DDX24: variants seen among roughly 807,000 people sequenced by gnomAD.
DDX24 encodes the protein DEAD-box helicase 24, also known as ATP-dependent RNA helicase DDX24.
Under a neutral mutation model 68.9 loss-of-function variants are expected in DDX24, and 24 were observed. That is an observed-to-expected ratio of 0.35 (90% CI 0.25 to 0.49). DDX24 has a LOEUF of 0.49. Among genes scored for constraint, DDX24 ranks in the 20% least tolerant of loss-of-function variants. DDX24 has a pLI of 0.99. For missense variants in DDX24, 989 were observed against 1,039.0 expected (o/e 0.95, Z 0.66); for synonymous variants, 395 against 385.2 (o/e 1.03, Z -0.30).
chr14:94,062,579 G>A lies in DDX24; in HGVS notation c.761C>T (p.Ala254Val), dbSNP rs759757010. Residue 254 changes from alanine to valine, a missense_variant, in exon 3 of 9, where the codon GCG (alanine) becomes GTG (valine). Transcript: ENST00000621632. ...TLAFAIPMIH[A>V]VLQWQKRNAA... Reference sequence around the variant, plus strand: ...ATTCCTCTTCTGCCACTGCAACACCGCATGAATCATTGGGATGGCAAAGGC... The same window carrying A: ...ATTCCTCTTCTGCCACTGCAACACCACATGAATCATTGGGATGGCAAAGGC... 19 of 1,608,020 alleles carry A rather than the reference G, an allele frequency of 1.2e-5. No homozygotes were observed. The Middle Eastern group carries it at 5.0e-4, about 42-fold the overall frequency.
At chr14:94,069,981 C>G (rs530201566) in intron 2 of DDX24, among the ~76,000 whole-genome samples, 1 of 152,246 alleles carries the variant, frequency 6.6e-6, no homozygotes, top group Non-Finnish European at 1.5e-5. Context: ...CTTACCACTC[C>G]TCTTCAACAT....
intron 2 of DDX24, among the ~76,000 whole-genome samples, chr14:94,062,877 G>T (rs1885627057): frequency 6.6e-6 from 1 of 152,186 alleles, no homozygotes; most frequent in Non-Finnish European, 1.5e-5. Flanking sequence ...TCCAAGAAAT[G>T]AAACAATAAA....
At chr14:94,065,384 G>GACACACAC (rs58390384) in intron 2 of DDX24, among the ~76,000 whole-genome samples, 29 of 147,256 alleles carry the variant, frequency 2.0e-4, no homozygotes, top group Admixed American at 3.4e-4. Flanking sequence ...CTCTCTCTCT[G>GACACACAC]ACACACACAC....
chr14:94,059,925 C>T (rs1885559376), intron 5 of DDX24, among the ~76,000 whole-genome samples, 173 bp downstream of exon 5: 1 of 150,604 alleles, frequency 6.6e-6, no homozygotes, highest in Non-Finnish European at 1.5e-5. Flanking sequence ...ACCAAATTCA[C>T]TAAATGACAG....
intron 2 of DDX24, among the ~76,000 whole-genome samples, chr14:94,074,826 C>T (rs948658430): frequency 5.9e-5 from 9 of 152,130 alleles, no homozygotes; most frequent in Non-Finnish European, 1.3e-4. Flanking sequence ...AGTTGCAGGA[C>T]ACAAGATCAA....
chr14:94,068,966 G>A lies in DDX24; in HGVS notation c.719-6345C>T, dbSNP rs552989176. Reference sequence around the variant, plus strand: ...ACATCTCAAGGAGCTAGAGAAACAAGAACAAACCAAACCCAAACCCAGCAG... The same window carrying A: ...ACATCTCAAGGAGCTAGAGAAACAAAAACAAACCAAACCCAAACCCAGCAG... On this transcript the variant is annotated intron_variant, in intron 2 of 8. Coordinates refer to ENST00000621632, the MANE Select transcript of DDX24 (RefSeq NM_020414.4). Among the ~76,000 whole-genome samples, 109 of 151,920 alleles carry A rather than the reference G, an allele frequency of 7.2e-4. 2 individuals are homozygous for A. Among genetic ancestry groups the A allele is most frequent in the African/African-American group, 2.6e-3 (107 of 41,420 alleles).
At chr14:94,053,353 AATTTCTT>A in intron 7 of DDX24, 1 of 216,656 alleles carries the variant, frequency 4.6e-6, no homozygotes, top group South Asian at 7.4e-5. Context: ...ATGCCTAGGT[AATTTCTT>A]TTTTTTTTTT....
intron 2 of DDX24, among the ~76,000 whole-genome samples, chr14:94,075,005 G>A (rs976344556): frequency 1.3e-5 from 2 of 152,198 alleles, no homozygotes; most frequent in East Asian, 1.9e-4. Flanking sequence ...GCTAAGAAAA[G>A]TTAAAGATCT....
At position 94,060,505 on chromosome 14, in the gene DDX24, TTG is replaced by T; in HGVS notation, c.1504_1505del (p.Gln502AsnfsTer21). ...TGAGTGTGGCAGAAAAAACAAGCGT[TTG>T]TCTCTTTGGGTTGTATTGGGAGTCA... ...LNDSQYNPKR[Q>X]TLVFSATLTL... On this transcript the variant is annotated frameshift_variant, in exon 5 of 9. Coordinates refer to ENST00000621632, the MANE Select transcript of DDX24 (RefSeq NM_020414.4). LOFTEE classifies it high-confidence loss of function. The T allele has an allele frequency of 6.2e-7, 1 of 1,614,142 alleles. No homozygotes were observed. Among genetic ancestry groups the T allele is most frequent in the East Asian group, 2.2e-5 (1 of 44,878 alleles).
At position 94,079,705 on chromosome 14, in the gene DDX24, G is replaced by A. The variant is rs913256704; in HGVS notation, c.38C>T (p.Ser13Leu). 1.9e-6 allele frequency: 3 copies of A among 1,613,952 alleles called. No individual in the cohort carries two copies. Among genetic ancestry groups the A allele is most frequent in the Non-Finnish European group, 8.5e-7 (1 of 1,180,012 alleles). Reference sequence around the variant, plus strand: ...CTTTGTCTGAAATTTGCCACAGCTTGACTGCTTTGGCCTTGATTTTGTGTC... The same window carrying A: ...CTTTGTCTGAAATTTGCCACAGCTTAACTGCTTTGGCCTTGATTTTGTGTC... The part of the protein sequence containing the change: ...LKDTKSRPKQ[S>L]SCGKFQTKGI... Residue 13 changes from serine (S) to leucine (L), a missense_variant, in exon 2 of 9, where the codon TCA becomes TTA. Physicochemically the swap from Ser to Leu is moderately radical, Grantham distance 145. Transcript: ENST00000621632.
At position 94,049,597 on chromosome 14, in the gene DDX24, TA is replaced by T. The variant is rs33961152; in HGVS notation, c.*1593del. 0.53 allele frequency: 80,490 copies of T among 151,810 alleles called. 23,369 individuals are homozygous for T. The highest frequency in any genetic ancestry group is 0.79 in the African/African-American group (32,452 of 41,338). The allele number at this position is 151,810 out of a possible 1,614,324, so 9.4% of individuals were successfully genotyped here. ...CTATATGCTCAAGTACAAAAAACAC[TA>T]ATAAAGACTTATAGATGGGCACAGT... On this transcript the variant is annotated 3_prime_UTR_variant, in exon 9 of 9. Transcript: ENST00000621632.
intron 8 of DDX24, chr14:94,051,748 C>G (rs1885392336): frequency 5.9e-6 from 2 of 339,054 alleles, no homozygotes; most frequent in Non-Finnish European, 1.1e-5. Context: ...GAGAAGTCAC[C>G]TGGCTCACAT....
intron 2 of DDX24, among the ~76,000 whole-genome samples, chr14:94,072,510 C>T (rs188298579): frequency 7.9e-5 from 12 of 152,262 alleles, no homozygotes; most frequent in Non-Finnish European, 1.6e-4. Context: ...GTATATTGCT[C>T]GGGTGATAGG....
chr14:94,052,040 C>T (rs1379092319), intron 8 of DDX24, among the ~76,000 whole-genome samples: 10 of 152,250 alleles, frequency 6.6e-5, no homozygotes, highest in East Asian at 3.8e-4. Context: ...TCCACATCTT[C>T]GGCCCAAGCC....
intron 6 of DDX24, chr14:94,056,787 T>C: frequency 6.6e-6 from 1 of 152,012 alleles, no homozygotes; most frequent in East Asian, 1.9e-4. Context: ...CATCAGAAAA[T>C]GAAACTAAAT....
At chr14:94,052,002 T>C (rs3790048) in intron 8 of DDX24, among the ~76,000 whole-genome samples, 81,194 of 152,190 alleles carry the variant, frequency 0.53, 23,694 homozygotes, top group African/African-American at 0.79. Context: ...TCCACCTCAG[T>C]CTGTCCTCAG....
chr14:94,058,381 C>T (rs1389254102), intron 5 of DDX24, among the ~76,000 whole-genome samples: 1 of 152,194 alleles, frequency 6.6e-6, no homozygotes. Flanking sequence ...CTTTCTTCAG[C>T]TCTCTGCTCA....
intron 2 of DDX24, among the ~76,000 whole-genome samples, chr14:94,073,144 G>A (rs146311367): frequency 0.017 from 2,465 of 148,290 alleles, 65 homozygotes; most frequent in African/African-American, 0.059. Flanking sequence ...GGAGTGCAGT[G>A]GCACAATCTC....
At chr14:94,051,772 A>C in intron 8 of DDX24, 1 of 298,586 alleles carries the variant, frequency 3.3e-6, no homozygotes, top group Non-Finnish European at 6.1e-6. Flanking sequence ...AGAGCCAGTC[A>C]TCAGACAGAG....
Sources: gnomAD v4.1 joint callset for allele counts (sites outside exome capture counted in the v4.1 genomes callset) on GRCh38, gnomAD v4.1.1 for gene constraint, MANE v1.5 for transcripts, NCBI Gene and HGNC (gene_info 2026-07-23, HGNC 2026-07-21) for gene names.